F13A1: variants seen among roughly 807,000 people sequenced by gnomAD.
The protein encoded by F13A1 is coagulation factor XIII A chain, also known as FSF, A subunit.
A neutral mutation model predicts 80.1 loss-of-function variants in F13A1; 47 were observed. The observed-to-expected ratio is 0.59, with a 90% CI of 0.46 to 0.75. F13A1 has a LOEUF of 0.75. Ranked by LOEUF, F13A1 falls within the 30% of genes least tolerant of loss-of-function variation. F13A1 has a pLI of 0.00. For synonymous variants in F13A1, 349 were observed against 344.9 expected (o/e 1.01, Z -0.13); for missense variants, 817 against 930.4 (o/e 0.88, Z 1.59).
intron 13 of F13A1, among the ~76,000 whole-genome samples, chr6:6,157,454 G>C (rs1033019697): frequency 6.6e-6 from 1 of 150,992 alleles, no homozygotes; most frequent in African/African-American, 2.4e-5. Flanking sequence ...TGCTGGAATA[G>C]CTTCTTTATT....
intron 13 of F13A1, among the ~76,000 whole-genome samples, chr6:6,161,545 TGTGTGTGAGAGAGAGA>T (rs891958713): frequency 4.6e-5 from 7 of 150,964 alleles, no homozygotes; most frequent in Non-Finnish European, 1.0e-4. Context: ...TGTGTGTGTG[TGTGTGTGAGAGAGAGA>T]GAGAGAGAGA....
chr6:6,290,395 A>T (rs913394802), intron 3 of F13A1, among the ~76,000 whole-genome samples: 4 of 152,202 alleles, frequency 2.6e-5, no homozygotes, highest in Non-Finnish European at 5.9e-5. Flanking sequence ...ATGCCTCTAT[A>T]GTTCAGCATT....
At chr6:6,303,710 C>G (rs1294496642) in intron 3 of F13A1, among the ~76,000 whole-genome samples, 1 of 152,112 alleles carries the variant, frequency 6.6e-6, no homozygotes, top group African/African-American at 2.4e-5. Flanking sequence ...TACAGAAAGA[C>G]TTCCCACTCA....
At chr6:6,187,150 T>C (rs1761093751) in intron 10 of F13A1, among the ~76,000 whole-genome samples, 1 of 124,934 alleles carries the variant, frequency 8.0e-6, no homozygotes, top group South Asian at 2.7e-4. Flanking sequence ...TTTCTAGATA[T>C]ACAATCATGT....
chr6:6,216,058 G>A lies in F13A1; in HGVS notation c.1112+5975C>T, dbSNP rs9504717. 8.1e-3 allele frequency among the ~76,000 whole-genome samples: 1,166 copies of A among 144,600 alleles called. 14 individuals carry two copies. Among genetic ancestry groups the A allele is most frequent in the African/African-American group, 0.029 (1,105 of 38,610 alleles). 94.9% of individuals were successfully genotyped at this position (144,600 alleles called of 152,430 possible). ...AAACAAATGGAAGAACATTCCATGCGCATGGGTAGCAAGAATCAATATCGT... is the reference window on the plus strand; with the variant it reads ...AAACAAATGGAAGAACATTCCATGCACATGGGTAGCAAGAATCAATATCGT... On this transcript the variant is annotated intron_variant, in intron 8 of 14. Coordinates refer to ENST00000264870, the MANE Select transcript of F13A1 (RefSeq NM_000129.4).
chr6:6,304,858 C>T (rs1271221388), intron 3 of F13A1, among the ~76,000 whole-genome samples: 1 of 65,626 alleles, frequency 1.5e-5, no homozygotes, highest in Non-Finnish European at 2.6e-5. Context: ...AAGACTCTGT[C>T]TCAAAAAAAA....
At position 6,158,918 on chromosome 6, in the gene F13A1, T is replaced by TTC. The variant is rs10668357; in HGVS notation, c.1909-6970_1909-6969insGA. Among the ~76,000 whole-genome samples the TTC allele has an allele frequency of 9.4e-4, 138 of 146,758 alleles. 6 individuals carry two copies. Among genetic ancestry groups the TTC allele is most frequent in the Middle Eastern group, 3.6e-3 (1 of 280 alleles). On this transcript the variant is annotated intron_variant, in intron 13 of 14. Coordinates refer to ENST00000264870, the MANE Select transcript of F13A1 (RefSeq NM_000129.4). ...CTTTTTTTCTTTCTTTTTTTTTTTT[T>TTC]CGAGACGGAGTCTTGCTCTGTTGCC... is the stretch of plus-strand genomic sequence containing the variant.
intron 11 of F13A1, among the ~76,000 whole-genome samples, chr6:6,180,321 C>G (rs756077269): frequency 6.6e-6 from 1 of 152,200 alleles, no homozygotes; most frequent in African/African-American, 2.4e-5. Context: ...CGGCAGCACC[C>G]GTCCACCCTG....
intron 6 of F13A1, among the ~76,000 whole-genome samples, chr6:6,227,107 T>C (rs2113067317): frequency 6.6e-6 from 1 of 152,276 alleles, no homozygotes; most frequent in East Asian, 1.9e-4. Flanking sequence ...ATAAAAAAAA[T>C]ACTAGAAGAA....
chr6:6,155,189 C>T (rs548562961), intron 13 of F13A1, among the ~76,000 whole-genome samples: 48 of 152,288 alleles, frequency 3.2e-4, no homozygotes, highest in African/African-American at 1.1e-3. Context: ...AAGCCTCCTA[C>T]GCTGTGGAAA....
In F13A1 at chr6:6,305,901, A is replaced by G. The variant is rs755615668; in HGVS notation, c.131-362T>C. 5.9e-5 allele frequency among the ~76,000 whole-genome samples: 9 copies of G among 152,318 alleles called. No individual in the cohort carries two copies. In the South Asian group the frequency reaches 1.9e-3, roughly 32 times the overall value. The stretch of plus-strand genomic sequence containing the variant: ...GTTTTCGTTATGTTAGAAGCTTCCC[A>G]TCATGTCACTGCCTCACTCTGTGAC... On this transcript the variant is annotated intron_variant, in intron 2 of 14. Transcript: ENST00000264870.
At chr6:6,177,462 C>T (rs572123997) in intron 11 of F13A1, among the ~76,000 whole-genome samples, 1 of 152,334 alleles carries the variant, frequency 6.6e-6, no homozygotes, top group East Asian at 1.9e-4. Context: ...ACATGTTGTC[C>T]ACCTCTGCAT....
intron 4 of F13A1, among the ~76,000 whole-genome samples, chr6:6,259,143 C>T (rs1284811412): frequency 6.6e-6 from 1 of 152,172 alleles, no homozygotes; most frequent in Non-Finnish European, 1.5e-5. Context: ...ATTGTGTTGT[C>T]ATGGGCATGG....
At chr6:6,205,403 G>A (rs950571570) in intron 8 of F13A1, among the ~76,000 whole-genome samples, 2 of 152,160 alleles carry the variant, frequency 1.3e-5, no homozygotes, top group African/African-American at 2.4e-5. Context: ...GGACATCAAC[G>A]CTAAATGCAG....
chr6:6,318,723 G>A, intron 1 of F13A1, 41 bp from the exon 2 acceptor site: 3 of 1,583,142 alleles, frequency 1.9e-6, no homozygotes, highest in Non-Finnish European at 2.6e-6. Context: ...GAAAAGGCAT[G>A]TAAAGTGAGT....
chr6:6,241,655 C>A (rs1757485264), intron 6 of F13A1, among the ~76,000 whole-genome samples: 1 of 152,102 alleles, frequency 6.6e-6, no homozygotes, highest in Non-Finnish European at 1.5e-5. Context: ...GTTTAAGCTG[C>A]TTTATAAACC....
At chr6:6,231,460 T>C (rs1757351222) in intron 6 of F13A1, among the ~76,000 whole-genome samples, 3 of 151,322 alleles carry the variant, frequency 2.0e-5, no homozygotes, top group African/African-American at 7.3e-5. Context: ...ATAATCGGTG[T>C]TCCTGAGGAA....
chr6:6,199,100 A>G (rs1761345397), intron 8 of F13A1, among the ~76,000 whole-genome samples: 1 of 152,240 alleles, frequency 6.6e-6, no homozygotes, highest in South Asian at 2.1e-4. Context: ...GCAATGCACG[A>G]AACTAACAAA....
chr6:6,312,801 T>A (rs1244797322), intron 2 of F13A1, among the ~76,000 whole-genome samples: 1 of 152,016 alleles, frequency 6.6e-6, no homozygotes, highest in Admixed American at 6.6e-5. Context: ...GTTGAGAGTT[T>A]AAAGAAATAA....
Sources: gnomAD v4.1 joint callset for allele counts (sites outside exome capture counted in the v4.1 genomes callset) on GRCh38, gnomAD v4.1.1 for gene constraint, MANE v1.5 for transcripts, NCBI Gene and HGNC (gene_info 2026-07-23, HGNC 2026-07-21) for gene names.